The following SDK1 variants were observed in gnomAD, a reference collection of about 807,000 sequenced individuals.
SDK1 encodes the protein sidekick cell adhesion molecule 1, also known as protein sidekick-1.
In SDK1, 157 loss-of-function variants were observed where a neutral mutation model predicts 245.5. The ratio of observed to expected loss-of-function variants is 0.64; its 90% CI spans 0.56 to 0.73. The LOEUF is 0.73. Among genes scored for constraint, SDK1 ranks in the 30% least tolerant of loss-of-function variants. The pLI is 0.00. For synonymous variants in SDK1, 1,647 were observed against 1,278.5 expected (o/e 1.29, Z -6.15); for missense variants, 3,583 against 3,002.3 (o/e 1.19, Z -4.52).
rs1456483764 is a variant in SDK1, at chr7:3,958,155, T to G, written c.1151-776T>G. 1.9e-5 allele frequency: 7 copies of G among 359,358 alleles called. No individual in the cohort carries two copies. In the East Asian group the frequency reaches 3.4e-4, roughly 17 times the overall value. The allele number at this position is 359,358 out of a possible 1,614,324, so 22.3% of individuals were successfully genotyped here. On this transcript the variant is annotated intron_variant, in intron 7 of 44. Transcript: ENST00000404826. ...GCTCTGGAAGACAGTTCCCAGAAAT[T>G]AATTATCGCACAGAAAGTGAACACA...
chr7:3,790,766 A>G (rs975839012), intron 4 of SDK1, among the ~76,000 whole-genome samples: 3 of 152,142 alleles, frequency 2.0e-5, no homozygotes, highest in East Asian at 1.9e-4. Context: ...AGATCATGCT[A>G]TTGCCTGGGA....
intron 4 of SDK1, among the ~76,000 whole-genome samples, chr7:3,769,700 A>AGATGAGG (rs373412311): frequency 2.4e-4 from 37 of 152,268 alleles, no homozygotes; most frequent in Non-Finnish European, 4.3e-4. Flanking sequence ...TGTTCAACTC[A>AGATGAGG]GATGAGGGAT....
At chr7:3,637,469 G>A (rs898401729) in intron 2 of SDK1, among the ~76,000 whole-genome samples, 2 of 152,150 alleles carry the variant, frequency 1.3e-5, no homozygotes, top group Non-Finnish European at 2.9e-5. Flanking sequence ...GTCTGTGAAC[G>A]TGGCTGAGAA....
chr7:4,253,680 A>G (rs1265194820), intron 44 of SDK1, among the ~76,000 whole-genome samples: 4 of 152,136 alleles, frequency 2.6e-5, no homozygotes, highest in Non-Finnish European at 5.9e-5. Context: ...CATCTTCTGT[A>G]TGTATGATCT....
chr7:3,435,593 G>C (rs2128586275), intron 1 of SDK1, among the ~76,000 whole-genome samples: 1 of 152,024 alleles, frequency 6.6e-6, no homozygotes, highest in Middle Eastern at 3.4e-3. Context: ...TCGAACTCCT[G>C]AGCTCAGGCA....
intron 38 of SDK1, among the ~76,000 whole-genome samples, chr7:4,210,501 G>A (rs1784457252): frequency 6.6e-6 from 1 of 152,066 alleles, no homozygotes; most frequent in Non-Finnish European, 1.5e-5. Context: ...CGAGATGTTT[G>A]TCCTGTGGTC....
chr7:3,512,709 G>T (rs1782622818), intron 1 of SDK1, among the ~76,000 whole-genome samples: 2 of 152,216 alleles, frequency 1.3e-5, no homozygotes, highest in South Asian at 4.2e-4. Flanking sequence ...TTAATTGGTT[G>T]TTTGAAGCAA....
chr7:3,415,032 A>AT (rs1186008227), intron 1 of SDK1, among the ~76,000 whole-genome samples: 1 of 152,162 alleles, frequency 6.6e-6, no homozygotes, highest in Admixed American at 6.5e-5. Flanking sequence ...TGCTATGAAC[A>AT]TTTGTGTAGC....
At chr7:3,609,712 G>A (rs536386829) in intron 1 of SDK1, among the ~76,000 whole-genome samples, 38 of 62,960 alleles carry the variant, frequency 6.0e-4, no homozygotes, top group Admixed American at 1.5e-3. Context: ...CCCACCCCCC[G>A]CCACCCAAGA....
chr7:3,419,841 C>G (rs1472829335), intron 1 of SDK1, among the ~76,000 whole-genome samples: 1 of 152,124 alleles, frequency 6.6e-6, no homozygotes. Flanking sequence ...CTTAGTATGG[C>G]CTGGTATTAA....
Position 4,067,330 on chromosome 7 carries a change from G to A in SDK1, c.2912-508G>A, listed in dbSNP as rs183394869. Among the ~76,000 whole-genome samples, 372 of 152,250 alleles carry A rather than the reference G, an allele frequency of 2.4e-3. 2 individuals are homozygous for A. The highest frequency in any genetic ancestry group is 2.9e-3 in the South Asian group (14 of 4,816). On this transcript the variant is annotated intron_variant, in intron 19 of 44. Coordinates refer to ENST00000404826, the MANE Select transcript of SDK1 (RefSeq NM_152744.4). ...TGGGATTTTCTCAGGCCACTGCCTC[G>A]CCCCTCTGGAATCCTTCAGGATACC...
At chr7:3,926,385 A>G (rs185464674) in intron 5 of SDK1, among the ~76,000 whole-genome samples, 202 of 152,286 alleles carry the variant, frequency 1.3e-3, no homozygotes, top group African/African-American at 4.7e-3. Context: ...TGTTTTGTCT[A>G]TCAGCTGTTA....
chr7:4,266,162 C>T lies in SDK1; in HGVS notation c.*778C>T. 4 of 985,522 alleles carry T rather than the reference C, an allele frequency of 4.1e-6. No homozygotes were observed. The highest frequency in any genetic ancestry group is 4.8e-6 in the Non-Finnish European group (4 of 829,962). 61.0% of individuals were successfully genotyped at this position (985,522 alleles called of 1,614,324 possible). ...TGGCCCTCTCCTTCCCCGAACACAGCACACGGTCAACTCCGCGGGACACGA... is the reference window on the plus strand; with the variant it reads ...TGGCCCTCTCCTTCCCCGAACACAGTACACGGTCAACTCCGCGGGACACGA... On this transcript the variant is annotated 3_prime_UTR_variant, in exon 45 of 45. Coordinates refer to ENST00000404826, the MANE Select transcript of SDK1 (RefSeq NM_152744.4).
intron 1 of SDK1, among the ~76,000 whole-genome samples, chr7:3,588,284 G>A (rs1371737597): frequency 2.0e-5 from 3 of 152,140 alleles, no homozygotes; most frequent in African/African-American, 7.2e-5. Context: ...GATTAATAAC[G>A]TTATATTTTC....
intron 32 of SDK1, among the ~76,000 whole-genome samples, chr7:4,168,238 G>A (rs598790): frequency 0.13 from 19,063 of 152,200 alleles, 1,272 homozygotes; most frequent in Non-Finnish European, 0.14. Context: ...CCCCAGGCCT[G>A]GAAGACTCCT....
At chr7:3,716,361 T>G (rs1785201771) in intron 4 of SDK1, among the ~76,000 whole-genome samples, 1 of 152,210 alleles carries the variant, frequency 6.6e-6, no homozygotes. Context: ...AACTTCTGTG[T>G]TGAAAATAAG....
intron 4 of SDK1, among the ~76,000 whole-genome samples, chr7:3,679,424 G>T (rs890166493): frequency 2.0e-5 from 3 of 152,134 alleles, no homozygotes; most frequent in African/African-American, 7.2e-5. Flanking sequence ...AAAATTAGCC[G>T]GGCGCGGTGG....
At chr7:3,991,225 G>A (rs776106012) in intron 14 of SDK1, among the ~76,000 whole-genome samples, 4 of 152,214 alleles carry the variant, frequency 2.6e-5, no homozygotes, top group Non-Finnish European at 5.9e-5. Flanking sequence ...CTCAGTGCCA[G>A]GCCCCCAGGC....
rs559543093 is a variant in SDK1 at position 4,210,115 on chromosome 7, T to A, written c.5492T>A (p.Ile1831Asn). 5 of 1,609,950 alleles carry A rather than the reference T, an allele frequency of 3.1e-6. No individual in the cohort carries two copies. The South Asian group carries it at 5.5e-5, about 18-fold the overall frequency. Reference protein sequence around the residue: ...SWGEPAAANGILQGYRVVYEP... With the variant: ...SWGEPAAANGNLQGYRVVYEP... ...GGCGAGCCTGCGGCGGCCAACGGCATCCTGCAGGGCTATCGGGTGGTGTAC... is the reference window on the plus strand; with the variant it reads ...GGCGAGCCTGCGGCGGCCAACGGCAACCTGCAGGGCTATCGGGTGGTGTAC... Residue 1831 changes from isoleucine to asparagine, a missense_variant, in exon 38 of 45, where the codon ATC becomes AAC. By Grantham distance (149) the Ile-to-Asn change is moderately radical (BLOSUM62 -3). Coordinates refer to ENST00000404826, the MANE Select transcript of SDK1 (RefSeq NM_152744.4).
Sources: allele counts gnomAD v4.1 joint callset (sites outside exome capture counted in the v4.1 genomes callset), GRCh38; gene constraint gnomAD v4.1.1; transcripts MANE v1.5; gene names NCBI Gene and HGNC (gene_info 2026-07-23, HGNC 2026-07-21).